The following RIMS2 variants were observed in gnomAD, a reference collection of about 807,000 sequenced individuals.
RIMS2 encodes the protein regulating synaptic membrane exocytosis 2.
RIMS2 carries 59 observed loss-of-function variants against 174.4 expected under a neutral mutation model. The ratio of observed to expected loss-of-function variants is 0.34; its 90% confidence interval spans 0.27 to 0.42. The LOEUF is 0.42. Ranked by LOEUF, RIMS2 falls within the 10% of genes least tolerant of loss-of-function variation. The pLI, the probability that RIMS2 is intolerant of heterozygous loss-of-function variation, is 1.00. For missense variants in RIMS2, 1,620 were observed against 1,666.3 expected (o/e 0.97, Z 0.48); for synonymous variants, 606 against 572.5 (o/e 1.06, Z -0.84).
chr8:103,507,789 G>A (rs1824402510), intron 1 of RIMS2, among the ~76,000 whole-genome samples: 4 of 152,038 alleles, frequency 2.6e-5, no homozygotes, highest in Non-Finnish European at 2.9e-5. Flanking sequence ...GGCTGTAAAA[G>A]TGATCCTTTA....
chr8:103,583,786 C>G (rs1261155653), intron 1 of RIMS2, among the ~76,000 whole-genome samples: 1 of 152,078 alleles, frequency 6.6e-6, no homozygotes, highest in Non-Finnish European at 1.5e-5. Context: ...CTAGAACTAG[C>G]CTCAAAAGGG....
intron 3 of RIMS2, among the ~76,000 whole-genome samples, chr8:103,875,324 C>T (rs1177609257): frequency 1.3e-5 from 2 of 151,868 alleles, no homozygotes; most frequent in African/African-American, 4.8e-5. Flanking sequence ...GTTTTATACC[C>T]ATGGCTTAGC....
At chr8:104,190,746 A>C (rs1487608139) in intron 19 of RIMS2, among the ~76,000 whole-genome samples, 1 of 151,990 alleles carries the variant, frequency 6.6e-6, no homozygotes, top group African/African-American at 2.4e-5. Flanking sequence ...GAGCATATTG[A>C]CCTTTTGGGT....
intron 2 of RIMS2, among the ~76,000 whole-genome samples, chr8:103,739,534 A>G (rs1176876640): frequency 6.6e-6 from 1 of 152,192 alleles, no homozygotes; most frequent in Non-Finnish European, 1.5e-5. Flanking sequence ...ATAATATAAA[A>G]CATAAAATAA....
chr8:103,959,289 T>A (rs2088897803), intron 14 of RIMS2, among the ~76,000 whole-genome samples: 1 of 152,168 alleles, frequency 6.6e-6, no homozygotes, highest in African/African-American at 2.4e-5. Context: ...CAAATGTATA[T>A]GGATTATTAT....
Position 103,720,159 on chromosome 8 carries a change from A to G in RIMS2, c.387+22863A>G, listed in dbSNP as rs2097427764. On this transcript the variant is annotated intron_variant, in intron 2 of 23. Coordinates refer to ENST00000504942, the Ensembl canonical transcript of RIMS2. ...TATCTTTTGGTTTGCAGCTGCAGCT[A>G]TGATGTTCAGAGGAAGGTGCTCTGT... Among the ~76,000 whole-genome samples the G allele has an allele frequency of 4.6e-5, 7 of 152,142 alleles. No individual in the cohort carries two copies. In the South Asian group the frequency reaches 1.2e-3, roughly 27 times the overall value.
chr8:104,057,944 A>G (rs1274058901), intron 19 of RIMS2, among the ~76,000 whole-genome samples: 1 of 152,102 alleles, frequency 6.6e-6, no homozygotes, highest in Non-Finnish European at 1.5e-5. Context: ...TATATGTGCC[A>G]CATTTTTTTA....
At position 103,905,082 on chromosome 8, in the gene RIMS2, A is replaced by G. The variant is rs77142179; in HGVS notation, c.1625-5052A>G. ...GACTTGTCTTAAATATTTTCTTTAT[A>G]TATGTTGAAAACCACATCAGACAAT... On this transcript the variant is annotated intron_variant, in intron 4 of 23. Transcript: ENST00000504942. Among the ~76,000 whole-genome samples the G allele has an allele frequency of 9.7e-3, 1,480 of 152,118 alleles. 19 individuals carry two copies. Among genetic ancestry groups the G allele is most frequent in the East Asian group, 0.046 (240 of 5,180 alleles).
intron 19 of RIMS2, among the ~76,000 whole-genome samples, chr8:104,169,409 G>A (rs189494191): frequency 2.1e-4 from 32 of 149,298 alleles, no homozygotes; most frequent in Admixed American, 2.1e-3. Flanking sequence ...TTTAAACTAG[G>A]AGGGTTGCAT....
At chr8:103,610,975 A>G (rs2095349155) in intron 1 of RIMS2, among the ~76,000 whole-genome samples, 1 of 152,018 alleles carries the variant, frequency 6.6e-6, no homozygotes, top group Non-Finnish European at 1.5e-5. Flanking sequence ...AGCTGGTAGG[A>G]TTTTTATTAC....
chr8:103,973,537 A>G lies in RIMS2; in HGVS notation c.2771-1813A>G, dbSNP rs114376532. Among the ~76,000 whole-genome samples the G allele has an allele frequency of 7.3e-3, 1,110 of 152,334 alleles. 23 individuals carry two copies. The highest frequency in any genetic ancestry group is 0.025 in the African/African-American group (1,046 of 41,564). On this transcript the variant is annotated intron_variant, in intron 15 of 23. Transcript: ENST00000504942. ...TATAATAGGAGTCTAAAATAAAATG[A>G]AGATATCTAGATGAAAGGAGTATAT... is the stretch of plus-strand genomic sequence containing the variant.
intron 2 of RIMS2, among the ~76,000 whole-genome samples, chr8:103,726,150 T>C (rs993752336): frequency 1.3e-5 from 2 of 152,224 alleles, no homozygotes; most frequent in Non-Finnish European, 2.9e-5. Flanking sequence ...GCATTTATTA[T>C]GCTCCTTGAC....
chr8:103,521,411 C>T (rs796969289), intron 1 of RIMS2, among the ~76,000 whole-genome samples: 23 of 151,990 alleles, frequency 1.5e-4, no homozygotes, highest in African/African-American at 5.1e-4. Context: ...ATATGTTTTA[C>T]ATAGATGCAG....
At chr8:103,516,731 G>A (rs1486136152) in intron 1 of RIMS2, among the ~76,000 whole-genome samples, 1 of 152,098 alleles carries the variant, frequency 6.6e-6, no homozygotes, top group Non-Finnish European at 1.5e-5. Context: ...TTTTACATGT[G>A]TATATTAGAC....
intron 1 of RIMS2, among the ~76,000 whole-genome samples, chr8:103,627,674 C>A (rs577469152): frequency 6.6e-6 from 1 of 152,320 alleles, no homozygotes; most frequent in East Asian, 1.9e-4. Context: ...GGGTCCCTGA[C>A]TTCCCACAAC....
At chr8:103,736,325 A>C (rs1162186012) in intron 2 of RIMS2, among the ~76,000 whole-genome samples, 4 of 152,182 alleles carry the variant, frequency 2.6e-5, no homozygotes, top group Admixed American at 2.6e-4. Flanking sequence ...TTTTGACATC[A>C]AAGTCCCATG....
At chr8:103,578,816 A>ACATGATGAAAAC (rs55776346) in intron 1 of RIMS2, among the ~76,000 whole-genome samples, 1 of 151,606 alleles carries the variant, frequency 6.6e-6, no homozygotes, top group African/African-American at 2.4e-5. Flanking sequence ...AGCCTGGCCA[A>ACATGATGAAAAC]CTGTTTCTAC....
At chr8:103,845,743 G>A (rs1251801784) in intron 3 of RIMS2, among the ~76,000 whole-genome samples, 1 of 152,116 alleles carries the variant, frequency 6.6e-6, no homozygotes, top group East Asian at 1.9e-4. Flanking sequence ...AGGTTGGGAA[G>A]AGCAACAGCC....
At chr8:104,035,995 T>C (rs2154556926) in intron 19 of RIMS2, among the ~76,000 whole-genome samples, 1 of 152,258 alleles carries the variant, frequency 6.6e-6, no homozygotes, top group South Asian at 2.1e-4. Context: ...TCATGATTTA[T>C]GAAGTTAGTT....
Sources: gnomAD v4.1 joint callset for allele counts (sites outside exome capture counted in the v4.1 genomes callset) on GRCh38, gnomAD v4.1.1 for gene constraint, MANE v1.5 for transcripts, NCBI Gene and HGNC (gene_info 2026-07-23, HGNC 2026-07-21) for gene names.